The following SNRPN variants were observed in gnomAD, a reference collection of about 807,000 sequenced individuals.
SNRPN encodes the protein small nuclear ribonucleoprotein polypeptide N.
Under a neutral mutation model 25.2 loss-of-function variants are expected in SNRPN, and 7 were observed. The observed-to-expected ratio is 0.28, with a 90% CI of 0.16 to 0.52. SNRPN has a LOEUF of 0.52. Ranked by LOEUF, SNRPN falls within the 20% of genes least tolerant of loss-of-function variation. The pLI, the probability that SNRPN is intolerant of heterozygous loss-of-function variation, is 0.96. For missense variants in SNRPN, 196 were observed against 322.5 expected (o/e 0.61, Z 3.00); for synonymous variants, 124 against 110.6 (o/e 1.12, Z -0.76).
chr15:24,918,076 T>C (rs1182352558), intron 2 of SNRPN, among the ~76,000 whole-genome samples: 1 of 151,882 alleles, frequency 6.6e-6, no homozygotes, highest in Non-Finnish European at 1.5e-5. Flanking sequence ...TTTCAGTAAG[T>C]TTGAGGGTAG....
At chr15:24,825,370 T>C (rs760431480) in intron 1 of SNRPN, among the ~76,000 whole-genome samples, 14 of 151,930 alleles carry the variant, frequency 9.2e-5, no homozygotes, top group Admixed American at 7.2e-4. Flanking sequence ...GAAAGATGAT[T>C]CCCAAATCTG....
At chr15:24,930,733 C>T (rs962857190) in intron 3 of SNRPN, among the ~76,000 whole-genome samples, 1 of 151,852 alleles carries the variant, frequency 6.6e-6, no homozygotes, top group African/African-American at 2.4e-5. Flanking sequence ...AACCCCGTCT[C>T]TACTAAAAAT....
chr15:24,968,231 G>A, intron 3 of SNRPN, 149 bp downstream of exon 3: 5 of 578,372 alleles, frequency 8.6e-6, no homozygotes, highest in South Asian at 8.1e-5. Flanking sequence ...AAGTTTTGCA[G>A]GACCTTAAAT....
At chr15:24,957,579 C>T (rs551547414) in intron 1 of SNRPN, among the ~76,000 whole-genome samples, 1 of 152,220 alleles carries the variant, frequency 6.6e-6, no homozygotes, top group East Asian at 1.9e-4. Context: ...TTTACATTTT[C>T]CCTCTATCAT....
chr15:24,916,021 G>C (rs948750047), intron 2 of SNRPN, among the ~76,000 whole-genome samples: 1 of 140,636 alleles, frequency 7.1e-6, no homozygotes, highest in Non-Finnish European at 1.5e-5. Context: ...ACCCAGGCTG[G>C]AGTGCAATGG....
chr15:24,894,056 C>A (rs11634496), intron 2 of SNRPN, among the ~76,000 whole-genome samples: 39,556 of 151,944 alleles, frequency 0.26, 5,193 homozygotes, highest in East Asian at 0.31. Context: ...GGCCTAGATA[C>A]TCCCCCTGAG....
At chr15:24,923,393 A>G (rs2060152453) in intron 3 of SNRPN, among the ~76,000 whole-genome samples, 1 of 152,216 alleles carries the variant, frequency 6.6e-6, no homozygotes, top group Non-Finnish European at 1.5e-5. Flanking sequence ...AGTGTTAATT[A>G]TAACAACCAC....
chr15:24,840,738 T>C (rs892784603), intron 2 of SNRPN, among the ~76,000 whole-genome samples: 1 of 152,228 alleles, frequency 6.6e-6, no homozygotes, highest in Non-Finnish European at 1.5e-5. Context: ...GGCTTGCCTG[T>C]ATCTGGGATA....
chr15:24,896,507 G>C (rs932631895), intron 2 of SNRPN, among the ~76,000 whole-genome samples: 2 of 151,428 alleles, frequency 1.3e-5, no homozygotes, highest in Non-Finnish European at 2.9e-5. Flanking sequence ...TCAGGAGATC[G>C]AGACCCCCCC....
intron 2 of SNRPN, among the ~76,000 whole-genome samples, chr15:24,899,311 G>C (rs574365410): frequency 2.0e-5 from 3 of 152,268 alleles, no homozygotes; most frequent in Middle Eastern, 3.4e-3. Flanking sequence ...TAAAAGAACT[G>C]TATGCCAATT....
At chr15:24,905,141 A>C (rs936641987) in intron 2 of SNRPN, among the ~76,000 whole-genome samples, 3 of 151,454 alleles carry the variant, frequency 2.0e-5, no homozygotes, top group Admixed American at 6.6e-5. Flanking sequence ...TTAAAAATTA[A>C]ATCCACCAAA....
intron 2 of SNRPN, among the ~76,000 whole-genome samples, chr15:24,904,286 G>A (rs1013162293): frequency 1.3e-5 from 2 of 152,100 alleles, no homozygotes; most frequent in African/African-American, 4.8e-5. Context: ...ACCCTATTAG[G>A]CTGATTTCAA....
At chr15:24,971,524 T>G in intron 3 of SNRPN, among the ~76,000 whole-genome samples, 1 of 151,598 alleles carries the variant, frequency 6.6e-6, no homozygotes, top group Admixed American at 6.6e-5. Context: ...CTATACAGGT[T>G]ATTATTATAT....
chr15:24,907,310 T>C (rs1237843711), intron 2 of SNRPN, among the ~76,000 whole-genome samples: 1 of 152,070 alleles, frequency 6.6e-6, no homozygotes, highest in Non-Finnish European at 1.5e-5. Flanking sequence ...CAAAAATTCG[T>C]GTTGAGGCCG....
chr15:24,830,545 A>G (rs1382669308), intron 2 of SNRPN, among the ~76,000 whole-genome samples: 1 of 151,970 alleles, frequency 6.6e-6, no homozygotes, highest in Non-Finnish European at 1.5e-5. Flanking sequence ...TTGGGTTTCA[A>G]CTTTTCTAAT....
At chr15:24,959,552 G>A (rs2074427793) in intron 1 of SNRPN, among the ~76,000 whole-genome samples, 1 of 152,200 alleles carries the variant, frequency 6.6e-6, no homozygotes, top group South Asian at 2.1e-4. Flanking sequence ...TTGAGCAACT[G>A]CCGAATGGGT....
intron 5 of SNRPN, 62 bp downstream of exon 5, chr15:24,975,571 C>T: frequency 2.1e-6 from 3 of 1,415,100 alleles, no homozygotes; most frequent in Non-Finnish European, 3.0e-6. Flanking sequence ...AAGGCCAGAG[C>T]TGGAGTAAGG....
At chr15:24,933,698 G>A (rs927195505) in intron 3 of SNRPN, among the ~76,000 whole-genome samples, 1 of 152,218 alleles carries the variant, frequency 6.6e-6, no homozygotes, top group Admixed American at 6.5e-5. Context: ...CAGAAGTCCT[G>A]ACTTACAGGT....
intron 2 of SNRPN, among the ~76,000 whole-genome samples, chr15:24,889,307 A>AT (rs1566875252): frequency 1.3e-5 from 2 of 150,702 alleles, no homozygotes; most frequent in Admixed American, 1.3e-4. Flanking sequence ...TAATTTTTTT[A>AT]TTTTTTTATT....
Sources: gnomAD v4.1 joint callset for allele counts (sites outside exome capture counted in the v4.1 genomes callset) on GRCh38, gnomAD v4.1.1 for gene constraint, MANE v1.5 for transcripts, NCBI Gene and HGNC (gene_info 2026-07-23, HGNC 2026-07-21) for gene names.